TRAK1: variants seen among roughly 807,000 people sequenced by gnomAD.
TRAK1 encodes trafficking kinesin protein 1.
In TRAK1, 33 loss-of-function variants were observed where a neutral mutation model predicts 92.1. The observed-to-expected ratio is 0.36, with a 90% CI of 0.27 to 0.48. TRAK1 has a LOEUF of 0.48. TRAK1 is among the 20% of genes least tolerant of loss of function. TRAK1 has a pLI of 0.99. For missense variants in TRAK1, 1,123 were observed against 1,257.9 expected (o/e 0.89, Z 1.62); for synonymous variants, 521 against 517.3 (o/e 1.01, Z -0.10).
intron 1 of TRAK1, among the ~76,000 whole-genome samples, chr3:42,037,826 A>AATAACATT (rs1702379659): frequency 6.6e-6 from 1 of 152,194 alleles, no homozygotes; most frequent in African/African-American, 2.4e-5. Flanking sequence ...GATGACAACA[A>AATAACATT]ATAACATTTA....
At chr3:42,144,030 G>A (rs555426716) in intron 2 of TRAK1, among the ~76,000 whole-genome samples, 1 of 152,198 alleles carries the variant, frequency 6.6e-6, no homozygotes, top group South Asian at 2.1e-4. Flanking sequence ...AATTGGATAT[G>A]TGCAGCTTTG....
intron 14 of TRAK1, chr3:42,211,784 C>G (rs1577039066): frequency 4.1e-6 from 4 of 985,438 alleles, no homozygotes; most frequent in Non-Finnish European, 4.8e-6. Flanking sequence ...AAAATAAACA[C>G]TGACATTTTT....
chr3:42,191,263 G>A (rs1360476296), intron 6 of TRAK1, among the ~76,000 whole-genome samples: 1 of 152,200 alleles, frequency 6.6e-6, no homozygotes, highest in Non-Finnish European at 1.5e-5. Flanking sequence ...TGATAGGATG[G>A]TGGTGTTCGT....
chr3:42,066,844 A>G (rs1293509358), intron 1 of TRAK1, among the ~76,000 whole-genome samples: 1 of 152,112 alleles, frequency 6.6e-6, no homozygotes, highest in East Asian at 1.9e-4. Flanking sequence ...TCAATGAGAA[A>G]GGCTAATGGG....
intron 1 of TRAK1, among the ~76,000 whole-genome samples, chr3:42,103,801 A>T (rs1317138008): frequency 6.6e-6 from 1 of 152,122 alleles, no homozygotes; most frequent in Non-Finnish European, 1.5e-5. Context: ...TTCATTTCCA[A>T]CTGAGGTACT....
intron 3 of TRAK1, among the ~76,000 whole-genome samples, chr3:42,182,151 A>T (rs1318442961): frequency 6.6e-6 from 1 of 152,026 alleles, no homozygotes; most frequent in Non-Finnish European, 1.5e-5. Context: ...ATGTGCAGAG[A>T]TGAGCATCTC....
chr3:42,189,875 A>T (rs1399695587), intron 6 of TRAK1, among the ~76,000 whole-genome samples: 1 of 152,216 alleles, frequency 6.6e-6, no homozygotes, highest in Non-Finnish European at 1.5e-5. Context: ...GGTTGAGCTG[A>T]GGCAACTTGG....
chr3:42,071,303 T>C (rs1219830039), intron 1 of TRAK1, among the ~76,000 whole-genome samples: 1 of 152,344 alleles, frequency 6.6e-6, no homozygotes, highest in East Asian at 1.9e-4. Flanking sequence ...GTTAACTTTA[T>C]CCTAGGCTGT....
chr3:42,124,302 C>G (rs1412570759), intron 1 of TRAK1, among the ~76,000 whole-genome samples: 2 of 152,214 alleles, frequency 1.3e-5, no homozygotes, highest in African/African-American at 4.8e-5. Context: ...AAAACCACTG[C>G]TGTTCCCATG....
chr3:42,178,428 T>C (rs13091974), intron 3 of TRAK1, among the ~76,000 whole-genome samples: 120,752 of 151,906 alleles, frequency 0.79, 48,263 homozygotes, highest in East Asian at 0.99. Context: ...GCCCTTGGCC[T>C]TCTATGGCAT....
chr3:42,074,545 A>G (rs932175809), intron 1 of TRAK1, among the ~76,000 whole-genome samples: 5 of 152,202 alleles, frequency 3.3e-5, no homozygotes, highest in African/African-American at 1.2e-4. Flanking sequence ...CCTGATTCCA[A>G]GTGACTGTCT....
intron 1 of TRAK1, 93 bp downstream of exon 1, chr3:42,091,653 G>A: frequency 7.9e-7 from 1 of 1,264,248 alleles, no homozygotes. Flanking sequence ...TCTCTCTCTT[G>A]CTCCGTGCTG....
chr3:42,033,294 C>T (rs1027713928), intron 1 of TRAK1, among the ~76,000 whole-genome samples: 3 of 152,174 alleles, frequency 2.0e-5, no homozygotes, highest in South Asian at 2.1e-4. Context: ...GCAATCTATG[C>T]TGTCGTTCTG....
At chr3:42,121,064 C>T (rs1395596783) in intron 1 of TRAK1, among the ~76,000 whole-genome samples, 1 of 152,174 alleles carries the variant, frequency 6.6e-6, no homozygotes, top group East Asian at 1.9e-4. Flanking sequence ...TTTAGTGGAA[C>T]AGCTGAGGCT....
intron 1 of TRAK1, among the ~76,000 whole-genome samples, chr3:42,032,319 C>T (rs541143479): frequency 6.6e-6 from 1 of 152,322 alleles, no homozygotes; most frequent in East Asian, 1.9e-4. Flanking sequence ...GCAGAATGTG[C>T]TGCTCCTTCC....
intron 2 of TRAK1, among the ~76,000 whole-genome samples, chr3:42,143,551 T>C (rs1698953846): frequency 6.6e-6 from 1 of 152,166 alleles, no homozygotes; most frequent in Admixed American, 6.5e-5. Context: ...TATAAAGTAT[T>C]AAATGCCAGG....
intron 1 of TRAK1, among the ~76,000 whole-genome samples, chr3:42,105,268 TA>T (rs911496890): frequency 6.6e-6 from 1 of 151,978 alleles, no homozygotes; most frequent in African/African-American, 2.4e-5. Context: ...CTAAAAGTCT[TA>T]AAAAAAGATT....
chr3:42,176,733 T>C, intron 2 of TRAK1, 81 bp from the exon 3 acceptor site: 2 of 1,323,320 alleles, frequency 1.5e-6, no homozygotes, highest in Non-Finnish European at 2.2e-6. Context: ...GGCACAACAT[T>C]AGGGGCACTT....
At chr3:42,057,325 C>T (rs1405186745) in intron 1 of TRAK1, among the ~76,000 whole-genome samples, 1 of 152,170 alleles carries the variant, frequency 6.6e-6, no homozygotes, top group Non-Finnish European at 1.5e-5. Context: ...CACGGTCCTG[C>T]TTCTTGAATG....
Sources: allele counts gnomAD v4.1 joint callset (sites outside exome capture counted in the v4.1 genomes callset), GRCh38; gene constraint gnomAD v4.1.1; transcripts MANE v1.5; gene names NCBI Gene and HGNC (gene_info 2026-07-23, HGNC 2026-07-21).